Variants in PPM1L observed in about 807,000 individuals in gnomAD.
PPM1L encodes the protein protein phosphatase 1L.
Under a neutral mutation model 31.4 loss-of-function variants are expected in PPM1L, and 13 were observed. That is an observed-to-expected ratio of 0.41 (90% confidence interval 0.27 to 0.66). The LOEUF (loss-of-function observed/expected upper bound fraction) is 0.66, where lower values mean the gene tolerates loss of function less well. PPM1L is among the 30% of genes least tolerant of loss of function. PPM1L has a pLI of 0.29. For missense variants in PPM1L, 326 were observed against 453.7 expected, an observed-to-expected ratio of 0.72 and a Z score of 2.56; for synonymous variants, 184 against 175.4, an observed-to-expected ratio of 1.05 and a Z score of -0.39.
chr3:160,762,926 C>T (rs1334679524), intron 1 of PPM1L, among the ~76,000 whole-genome samples: 1 of 152,084 alleles, frequency 6.6e-6, no homozygotes, highest in Non-Finnish European at 1.5e-5. Context: ...TTTAAATTAA[C>T]TGTTTTTTTA....
chr3:160,768,782 C>G (rs939784390), intron 1 of PPM1L, among the ~76,000 whole-genome samples: 3 of 152,020 alleles, frequency 2.0e-5, no homozygotes, highest in Non-Finnish European at 4.4e-5. Context: ...CAAGTGGAAG[C>G]GGATTAAACA....
intron 1 of PPM1L, among the ~76,000 whole-genome samples, chr3:160,861,810 G>C (rs571056911): frequency 6.6e-6 from 1 of 152,148 alleles, no homozygotes; most frequent in Non-Finnish European, 1.5e-5. Flanking sequence ...GAATTTGCTC[G>C]TGTTTTCCAG....
intron 1 of PPM1L, among the ~76,000 whole-genome samples, chr3:160,785,974 G>A (rs1576636656): frequency 1.3e-5 from 2 of 148,888 alleles, no homozygotes; most frequent in South Asian, 4.2e-4. Context: ...AACTCCATTT[G>A]GCAATATCTA....
intron 1 of PPM1L, among the ~76,000 whole-genome samples, chr3:160,841,110 C>G (rs1713866127): frequency 6.6e-6 from 1 of 152,020 alleles, no homozygotes; most frequent in Admixed American, 6.6e-5. Flanking sequence ...ATTTAGTAAT[C>G]TGGGGTTGGG....
intron 2 of PPM1L, among the ~76,000 whole-genome samples, chr3:160,972,015 A>T (rs1309880234): frequency 6.6e-6 from 1 of 152,006 alleles, no homozygotes; most frequent in African/African-American, 2.4e-5. Flanking sequence ...TGATCCTCCC[A>T]CCTTGGCCTG....
chr3:160,843,468 A>ATATATATATATTTTTT (rs1441660092), intron 1 of PPM1L, among the ~76,000 whole-genome samples: 1 of 106,886 alleles, frequency 9.4e-6, no homozygotes, highest in Non-Finnish European at 1.9e-5. Context: ...ATATATATAT[A>ATATATATATATTTTTT]TGTTTTTTTT....
chr3:160,902,407 A>C (rs1326158504), intron 1 of PPM1L, among the ~76,000 whole-genome samples: 6 of 152,150 alleles, frequency 3.9e-5, no homozygotes, highest in Admixed American at 6.6e-5. Context: ...ATCTTATGTC[A>C]TTCCCTGTTA....
At chr3:160,926,529 C>T in intron 1 of PPM1L, among the ~76,000 whole-genome samples, 1 of 152,156 alleles carries the variant, frequency 6.6e-6, no homozygotes, top group East Asian at 1.9e-4. Flanking sequence ...CCAAGGACTT[C>T]TTAGAACCTC....
At chr3:160,861,746 T>C (rs1156967662) in intron 1 of PPM1L, among the ~76,000 whole-genome samples, 1 of 152,226 alleles carries the variant, frequency 6.6e-6, no homozygotes, top group Admixed American at 6.5e-5. Flanking sequence ...ATGGGTGTTA[T>C]GGCACTAACC....
At chr3:160,926,343 C>G (rs951823094) in intron 1 of PPM1L, among the ~76,000 whole-genome samples, 1 of 152,168 alleles carries the variant, frequency 6.6e-6, no homozygotes, top group Non-Finnish European at 1.5e-5. Flanking sequence ...GACAATCTAG[C>G]TAGGTCCTTG....
chr3:161,039,072 C>T (rs1490946322), intron 2 of PPM1L, among the ~76,000 whole-genome samples: 1 of 152,166 alleles, frequency 6.6e-6, no homozygotes. Flanking sequence ...AAAGGGGCAG[C>T]ATGAATAATC....
At chr3:160,844,153 A>G (rs1006788107) in intron 1 of PPM1L, among the ~76,000 whole-genome samples, 1 of 152,206 alleles carries the variant, frequency 6.6e-6, no homozygotes, top group Non-Finnish European at 1.5e-5. Flanking sequence ...TACTGTGACT[A>G]CACATCCTTA....
chr3:161,037,839 C>G (rs143446638), intron 2 of PPM1L, among the ~76,000 whole-genome samples: 251 of 152,174 alleles, frequency 1.6e-3, no homozygotes, highest in African/African-American at 5.8e-3. Flanking sequence ...CTCAGAAACT[C>G]TGAGATAATA....
At chr3:160,757,833 C>T (rs1357199079) in intron 1 of PPM1L, among the ~76,000 whole-genome samples, 1 of 152,246 alleles carries the variant, frequency 6.6e-6, no homozygotes, top group Non-Finnish European at 1.5e-5. Context: ...CTTCTCTGCC[C>T]TCTGATCTCT....
chr3:160,973,134 C>T (rs1433900067), intron 2 of PPM1L, among the ~76,000 whole-genome samples: 1 of 152,166 alleles, frequency 6.6e-6, no homozygotes, highest in Non-Finnish European at 1.5e-5. Flanking sequence ...TTTTAAAGAA[C>T]TTTGCTGAGA....
At chr3:160,939,011 C>G (rs1446675175) in intron 1 of PPM1L, among the ~76,000 whole-genome samples, 2 of 151,970 alleles carry the variant, frequency 1.3e-5, no homozygotes, top group African/African-American at 4.8e-5. Context: ...TGACAGGGCT[C>G]TGAAAAATAG....
At chr3:160,907,967 C>G (rs1713820167) in intron 1 of PPM1L, among the ~76,000 whole-genome samples, 1 of 152,212 alleles carries the variant, frequency 6.6e-6, no homozygotes, top group South Asian at 2.1e-4. Flanking sequence ...CCAGTTGATG[C>G]AGGCTGTGCA....
chr3:160,930,768 A>T (rs1714760653), intron 1 of PPM1L, among the ~76,000 whole-genome samples: 1 of 152,174 alleles, frequency 6.6e-6, no homozygotes, highest in Admixed American at 6.5e-5. Context: ...GGCCGTCTTC[A>T]GTTCTTACAC....
intron 2 of PPM1L, among the ~76,000 whole-genome samples, chr3:161,020,124 CAAAA>C (rs11363095): frequency 1.7e-5 from 2 of 115,432 alleles, no homozygotes; most frequent in African/African-American, 3.1e-5. Flanking sequence ...GACTCCACCT[CAAAA>C]AAAAAAAAAA....
Sources: gnomAD v4.1 joint callset for allele counts (sites outside exome capture counted in the v4.1 genomes callset) on GRCh38, gnomAD v4.1.1 for gene constraint, MANE v1.5 for transcripts, NCBI Gene and HGNC (gene_info 2026-07-23, HGNC 2026-07-21) for gene names.